The following MTOR variants were observed in gnomAD, a reference collection of about 807,000 sequenced individuals.
MTOR encodes the protein serine/threonine-protein kinase mTOR.
Under a neutral mutation model 319.8 loss-of-function variants are expected in MTOR, and 70 were observed. The observed-to-expected ratio is 0.22, with a 90% CI of 0.18 to 0.27. The LOEUF (loss-of-function observed/expected upper bound fraction) is 0.27. Among genes scored for constraint, MTOR ranks in the 10% least tolerant of loss-of-function variants. MTOR has a pLI of 1.00. For synonymous variants in MTOR, 1,183 were observed against 1,211.4 expected (o/e 0.98, Z 0.49); for missense variants, 1,890 against 3,274.4 (o/e 0.58, Z 10.32).
At chr1:11,215,019 C>T (rs72856930) in intron 20 of MTOR, among the ~76,000 whole-genome samples, 8,945 of 152,258 alleles carry the variant, frequency 0.059, 368 homozygotes, top group South Asian at 0.12. Flanking sequence ...CCAGAATCAA[C>T]AGTCAAAGGA....
At position 11,145,058 on chromosome 1, in the gene MTOR, C is replaced by T; in HGVS notation, c.4687-13G>A. ...CCTTGTCAATGCACTAGAAGAGAAACAACCCTTGGGACTGAGCTCTGGACT... is the reference window on the plus strand; with the variant it reads ...CCTTGTCAATGCACTAGAAGAGAAATAACCCTTGGGACTGAGCTCTGGACT... On this transcript the variant is annotated splice_polypyrimidine_tract_variant and intron_variant, in intron 32 of 57. Transcript: ENST00000361445. The T allele has an allele frequency of 6.2e-7, 1 of 1,613,564 alleles. No individual in the cohort carries two copies. The highest frequency in any genetic ancestry group is 8.5e-7 in the Non-Finnish European group (1 of 1,179,556).
intron 28 of MTOR, among the ~76,000 whole-genome samples, chr1:11,198,608 T>C (rs1377090278): frequency 6.6e-6 from 1 of 152,240 alleles, no homozygotes; most frequent in Non-Finnish European, 1.5e-5. Flanking sequence ...TATTCTCTGA[T>C]AATCATTAGG....
intron 28 of MTOR, chr1:11,194,642 G>A (rs753071795): frequency 6.2e-7 from 1 of 1,614,230 alleles, no homozygotes; most frequent in South Asian, 1.1e-5. Flanking sequence ...TTGGACAAGT[G>A]TGCACAGCTC....
At chr1:11,241,403 G>T in intron 10 of MTOR, 150 bp downstream of exon 10, 1 of 727,512 alleles carries the variant, frequency 1.4e-6, no homozygotes, top group Non-Finnish European at 2.0e-6. Flanking sequence ...GATGAAACTA[G>T]GATTCAGTAC....
At chr1:11,122,493 C>T (rs897573398) in intron 47 of MTOR, among the ~76,000 whole-genome samples, 1 of 148,354 alleles carries the variant, frequency 6.7e-6, no homozygotes, top group Non-Finnish European at 1.5e-5. Context: ...AGCCACTGCA[C>T]CCAGCCCTAT....
chr1:11,181,074 C>T (rs772180145), intron 28 of MTOR, among the ~76,000 whole-genome samples: 3 of 152,070 alleles, frequency 2.0e-5, no homozygotes, highest in Non-Finnish European at 2.9e-5. Context: ...CTTGCCCGCC[C>T]GAAATAAGGC....
At chr1:11,176,374 C>A (rs1323818000) in intron 28 of MTOR, among the ~76,000 whole-genome samples, 1 of 152,200 alleles carries the variant, frequency 6.6e-6, no homozygotes, top group Non-Finnish European at 1.5e-5. Flanking sequence ...CAAGGCGGCG[C>A]CTGTCGGAAA....
rs1255729068 is a variant in MTOR at position 11,170,948 on chromosome 1, TA to T, written c.4254-3432del. Among the ~76,000 whole-genome samples, 9 of 151,582 alleles carry T rather than the reference TA, an allele frequency of 5.9e-5. 1 individual carries two copies. Among genetic ancestry groups the T allele is most frequent in the African/African-American group, 2.2e-4 (9 of 41,170 alleles). ...AAGAAACTAACTCTAAGAAACGACA[TA>T]AAAAACTGAGGCCGAGGTGGGTGGA... On this transcript the variant is annotated intron_variant, in intron 28 of 57. Coordinates refer to ENST00000361445, the MANE Select transcript of MTOR (RefSeq NM_004958.4).
At position 11,115,301 on chromosome 1, in the gene MTOR, A is replaced by G. The variant is rs771261625; in HGVS notation, c.7089+95T>C. Reference sequence around the variant, plus strand: ...GTAGGGCCAGCAGGGGTTAAGAGTAAGGCAGTTTGGGCTTAAGTCTGCCTA... The same window carrying G: ...GTAGGGCCAGCAGGGGTTAAGAGTAGGGCAGTTTGGGCTTAAGTCTGCCTA... On this transcript the variant is annotated intron_variant, in intron 51 of 57. Coordinates refer to ENST00000361445, the MANE Select transcript of MTOR (RefSeq NM_004958.4). This position sits in a 1 kb window ranked among gnomAD's most constrained non-coding sequence, Gnocchi z 4.5. 3.4e-6 allele frequency: 4 copies of G among 1,189,842 alleles called. No homozygotes were observed. The highest frequency in any genetic ancestry group is 5.0e-6 in the Non-Finnish European group (4 of 796,836). The allele number at this position is 1,189,842 out of a possible 1,614,324, so 73.7% of individuals were successfully genotyped here. A position where few individuals can be genotyped will look rare whatever the true frequency, so the allele number is the denominator to read the frequency against.
chr1:11,143,448 G>T (rs932167435), intron 34 of MTOR, among the ~76,000 whole-genome samples: 2 of 152,244 alleles, frequency 1.3e-5, no homozygotes, highest in Non-Finnish European at 2.9e-5. Flanking sequence ...TACAAATCAA[G>T]TGGGAAATGC....
At chr1:11,248,147 C>T in intron 6 of MTOR, 53 bp from the exon 7 acceptor site, 1 of 1,517,782 alleles carries the variant, frequency 6.6e-7, no homozygotes, top group Admixed American at 2.0e-5. Flanking sequence ...GGCATTCAAA[C>T]TGGGCACTGT....
chr1:11,108,385 C>T, intron 56 of MTOR, 99 bp from the exon 57 acceptor site: 1 of 965,796 alleles, frequency 1.0e-6, no homozygotes, highest in Non-Finnish European at 1.6e-6. Flanking sequence ...AGCTTATCGT[C>T]AGACATGAAG....
At chr1:11,118,392 A>G (rs1376501355) in intron 49 of MTOR, among the ~76,000 whole-genome samples, 2 of 150,738 alleles carry the variant, frequency 1.3e-5, no homozygotes, top group Non-Finnish European at 3.0e-5. Context: ...ACGTGCCACC[A>G]TGCCCAGCTA....
At chr1:11,260,695 TA>T (rs914766123) in intron 1 of MTOR, among the ~76,000 whole-genome samples, 1 of 146,178 alleles carries the variant, frequency 6.8e-6, no homozygotes, top group Non-Finnish European at 1.5e-5. Flanking sequence ...TATCAATATT[TA>T]AAAAATTGAT....
chr1:11,199,461 G>A lies in MTOR; in HGVS notation c.4108-58C>T, dbSNP rs1475719913. ...AATGGCAGATGGGGCACAAACAAGA[G>A]AAGGCTGTGTGGATGCTTCTCTCCT... On this transcript the variant is annotated intron_variant, in intron 27 of 57. Transcript: ENST00000361445. The surrounding 1 kb of genome is among the most constrained non-coding windows in gnomAD (Gnocchi z 4.5). 1.2e-6 allele frequency: 2 copies of A among 1,613,854 alleles called. No individual in the cohort carries two copies. The highest frequency in any genetic ancestry group is 2.2e-5 in the East Asian group (1 of 44,886).
At chr1:11,172,998 C>CTT (rs540976160) in intron 28 of MTOR, among the ~76,000 whole-genome samples, 2 of 144,608 alleles carry the variant, frequency 1.4e-5, no homozygotes, top group Non-Finnish European at 3.1e-5. Context: ...ACTCTCTTTT[C>CTT]TTTTTTTTTT....
chr1:11,213,630 G>A (rs534379593), intron 20 of MTOR, 64 bp from the exon 21 acceptor site: 7 of 1,523,494 alleles, frequency 4.6e-6, no homozygotes, highest in Non-Finnish European at 6.3e-6. Flanking sequence ...ATGAACAAAG[G>A]AATCAAGATG....
At chr1:11,188,455 T>C (rs1645393745) in intron 28 of MTOR, among the ~76,000 whole-genome samples, 2 of 152,148 alleles carry the variant, frequency 1.3e-5, no homozygotes, top group South Asian at 4.1e-4. Flanking sequence ...TAGATATGGA[T>C]TTATTAGGTG....
At position 11,225,719 on chromosome 1, in the gene MTOR, G is replaced by C. The variant is rs575187368; in HGVS notation, c.3030+2949C>G. Among the ~76,000 whole-genome samples, 249 of 152,240 alleles carry C rather than the reference G, an allele frequency of 1.6e-3. 2 individuals are homozygous for C. Among genetic ancestry groups the C allele is most frequent in the African/African-American group, 5.5e-3 (230 of 41,516 alleles). On this transcript the variant is annotated intron_variant, in intron 19 of 57. Transcript: ENST00000361445. ...TTATAGGCATGAGCCACCGCACCTG[G>C]CCGATAGTTGCTTCTTTGAAAAATG... is the stretch of plus-strand genomic sequence containing the variant.
Sources: gnomAD v4.1 joint callset for allele counts (sites outside exome capture counted in the v4.1 genomes callset) on GRCh38, gnomAD v4.1.1 for gene constraint, Gnocchi (gnomAD v3.1) non-coding constraint, MANE v1.5 for transcripts, NCBI Gene and HGNC (gene_info 2026-07-23, HGNC 2026-07-21) for gene names.